TSPAN11: variants seen among roughly 807,000 people sequenced by gnomAD.
The protein encoded by TSPAN11 is tetraspanin-11.
A neutral mutation model predicts 32.9 loss-of-function variants in TSPAN11; 29 were observed. The observed-to-expected ratio is 0.88, with a 90% confidence interval of 0.66 to 1.20. The LOEUF (loss-of-function observed/expected upper bound fraction) is 1.20. Among genes scored for constraint, TSPAN11 ranks in the 50% most tolerant of loss-of-function variants. The pLI is 0.00. For missense variants in TSPAN11, 283 were observed against 329.1 expected (o/e 0.86, Z 1.08); for synonymous variants, 140 against 141.3 (o/e 0.99, Z 0.07).
At position 30,928,698 on chromosome 12, in the gene TSPAN11, T is replaced by G. The variant is rs573714462; in HGVS notation, c.-12+1902T>G. ...GTCACATCACCTCTCTGGGTCTGCT[T>G]CTTCTTTGGTCCAAATCAGGGCATC... On this transcript the variant is annotated intron_variant, in intron 1 of 7. Transcript: ENST00000546076. 2.0e-5 allele frequency among the ~76,000 whole-genome samples: 3 copies of G among 152,316 alleles called. No individual in the cohort carries two copies. The South Asian group carries it at 6.2e-4, about 32-fold the overall frequency.
intron 4 of TSPAN11, 138 bp from the exon 5 acceptor site, chr12:30,979,428 G>A: frequency 1.3e-6 from 1 of 769,256 alleles, no homozygotes; most frequent in East Asian, 2.6e-5. Context: ...CCCTTACGCT[G>A]TTGAGAAACC....
intron 1 of TSPAN11, among the ~76,000 whole-genome samples, chr12:30,945,603 C>A (rs1938250465): frequency 6.6e-6 from 1 of 151,948 alleles, no homozygotes; most frequent in Non-Finnish European, 1.5e-5. Flanking sequence ...ACTAGGACTC[C>A]CAGCACATCT....
At position 30,993,499 on chromosome 12, in the gene TSPAN11, C is replaced by T. The variant is rs1276363925; in HGVS notation, c.*1584C>T. The T allele has an allele frequency of 1.3e-5, 2 of 152,324 alleles. No individual in the cohort carries two copies. Among genetic ancestry groups the T allele is most frequent in the African/African-American group, 4.8e-5 (2 of 41,462 alleles). 9.4% of individuals were successfully genotyped at this position (152,324 alleles called of 1,614,324 possible). A position where few individuals can be genotyped will look rare whatever the true frequency, so the allele number is the denominator to read the frequency against. On this transcript the variant is annotated 3_prime_UTR_variant, in exon 8 of 8. Transcript: ENST00000546076. Reference sequence around the variant, plus strand: ...AGCCCAGCCTCGGGGCCGGTTGCCTCCTCTTCTCTGGGTGTTCTCCAGTGG... The same window carrying T: ...AGCCCAGCCTCGGGGCCGGTTGCCTTCTCTTCTCTGGGTGTTCTCCAGTGG...
intron 7 of TSPAN11, chr12:30,986,669 A>C (rs1419532373): frequency 6.6e-6 from 1 of 152,226 alleles, no homozygotes; most frequent in Non-Finnish European, 1.5e-5. Context: ...CAACACCTGG[A>C]GTGTTAAAGC....
intron 3 of TSPAN11, among the ~76,000 whole-genome samples, chr12:30,964,807 CTGT>C (rs1266136710): frequency 1.3e-5 from 2 of 152,240 alleles, no homozygotes; most frequent in African/African-American, 4.8e-5. Context: ...GACCCATAAA[CTGT>C]TGTTGTTGTG....
chr12:30,949,595 C>T (rs1938340655), intron 1 of TSPAN11, among the ~76,000 whole-genome samples: 1 of 152,148 alleles, frequency 6.6e-6, no homozygotes. Flanking sequence ...CAATTACCTC[C>T]CCCTGGGTCC....
rs762769359 is a variant in TSPAN11, at chr12:30,978,622, T to C, written c.338T>C (p.Val113Ala). The C allele has an allele frequency of 1.2e-6, 2 of 1,614,208 alleles. No individual in the cohort carries two copies. The highest frequency in any genetic ancestry group is 1.7e-6 in the Non-Finnish European group (2 of 1,180,030). Residue 113 changes from valine to alanine, a missense_variant, in exon 4 of 8, where the codon GTG (valine) becomes GCG (alanine). Transcript: ENST00000546076. The part of the protein sequence containing the change: ...VELVAGVLAH[V>A]YYQRLSDELK... ...CTGGTGGCGGGAGTCCTGGCCCATG[T>C]GTATTACCAGAGGGTAAGTGACGTT... is the stretch of plus-strand genomic sequence containing the variant.
intron 2 of TSPAN11, among the ~76,000 whole-genome samples, chr12:30,960,993 C>T (rs950239960): frequency 8.8e-5 from 13 of 148,546 alleles, no homozygotes; most frequent in Non-Finnish European, 1.8e-4. Context: ...GAGCCAAGAT[C>T]GCACCACTGT....
intron 2 of TSPAN11, among the ~76,000 whole-genome samples, chr12:30,961,077 C>T (rs1399539002): frequency 4.0e-5 from 6 of 151,406 alleles, no homozygotes; most frequent in South Asian, 2.1e-4. Flanking sequence ...TGGAAAACCA[C>T]GCTAGATTCT....
rs1938831244 is a variant in TSPAN11 at position 30,970,724 on chromosome 12, G to A, written c.276+6707G>A. 2.6e-5 allele frequency among the ~76,000 whole-genome samples: 4 copies of A among 152,132 alleles called. No homozygotes were observed. In the South Asian group the frequency reaches 6.2e-4, roughly 24 times the overall value. On this transcript the variant is annotated intron_variant, in intron 3 of 7. Transcript: ENST00000546076. ...CCAACCTTTGGCGTGGTTGCAGCTG[G>A]ACAACCCAGGCGCTGAGCCCTGGGC...
Position 30,962,972 on chromosome 12 carries a change from A to G in TSPAN11, c.85-854A>G, listed in dbSNP as rs561107552. 7.2e-5 allele frequency among the ~76,000 whole-genome samples: 11 copies of G among 152,244 alleles called. No individual in the cohort carries two copies. The East Asian group carries it at 1.7e-3, about 24-fold the overall frequency. ...GTCACAGAAAGAGTTACTTGGCTTCATTGCAAATAGAACCAGCCAAGCCGA... is the reference window on the plus strand; with the variant it reads ...GTCACAGAAAGAGTTACTTGGCTTCGTTGCAAATAGAACCAGCCAAGCCGA... On this transcript the variant is annotated intron_variant, in intron 2 of 7. Transcript: ENST00000546076.
chr12:30,929,720 G>A (rs922412618), intron 1 of TSPAN11, among the ~76,000 whole-genome samples: 3 of 152,206 alleles, frequency 2.0e-5, no homozygotes, highest in African/African-American at 7.2e-5. Flanking sequence ...GTAGACGACA[G>A]CCACGTGATG....
At position 30,975,759 on chromosome 12, in the gene TSPAN11, A is replaced by C. The variant is rs569547238; in HGVS notation, c.277-2802A>C. On this transcript the variant is annotated intron_variant, in intron 3 of 7. Coordinates refer to ENST00000546076, the MANE Select transcript of TSPAN11 (RefSeq NM_001370302.1). The surrounding 1 kb of genome is among the most constrained non-coding windows in gnomAD (Gnocchi z 4.5). ...CCTACGGGCCTGACTCACAGCTCAC[A>C]GTGGTGGTGGAGAGAAGGAAGGTGG... Among the ~76,000 whole-genome samples the C allele has an allele frequency of 2.0e-5, 3 of 151,514 alleles. No homozygotes were observed. The South Asian group carries it at 6.3e-4, about 32-fold the overall frequency.
chr12:30,949,510 A>C (rs1316713699), intron 1 of TSPAN11, among the ~76,000 whole-genome samples: 1 of 152,216 alleles, frequency 6.6e-6, no homozygotes. Flanking sequence ...TAAACCCATC[A>C]GATCTCGTGA....
chr12:30,958,955 T>C (rs1250346743), intron 2 of TSPAN11, among the ~76,000 whole-genome samples: 1 of 152,204 alleles, frequency 6.6e-6, no homozygotes, highest in Non-Finnish European at 1.5e-5. Flanking sequence ...CTCTTCTTAA[T>C]GACCCAGAGA....
At chr12:30,963,752 C>T in intron 2 of TSPAN11, 74 bp from the exon 3 acceptor site, 1 of 1,509,030 alleles carries the variant, frequency 6.6e-7, no homozygotes, top group South Asian at 1.2e-5. Flanking sequence ...TGCCTGGCAC[C>T]CTGTGGGCAC....
chr12:31,002,106 C>T, the TSPAN11 span, among the ~76,000 whole-genome samples: 4 of 152,146 alleles, frequency 2.6e-5, no homozygotes, highest in Admixed American at 6.5e-5. This position sits in a 1 kb window ranked among gnomAD's most constrained non-coding sequence, Gnocchi z 4.8. Flanking sequence ...GAGTCTGTCT[C>T]GGTAAATCTC....
chr12:30,958,386 G>T (rs1174461347), intron 2 of TSPAN11, among the ~76,000 whole-genome samples: 2 of 152,150 alleles, frequency 1.3e-5, no homozygotes, highest in Non-Finnish European at 2.9e-5. Flanking sequence ...GGGGAGAAAT[G>T]CATGCCTGGC....
At chr12:30,991,176 C>T (rs539316806) in intron 7 of TSPAN11, among the ~76,000 whole-genome samples, 7 of 152,298 alleles carry the variant, frequency 4.6e-5, no homozygotes, top group Middle Eastern at 3.4e-3. Flanking sequence ...GCAGACAGGA[C>T]GCCTGGGGCC....
Sources: allele counts gnomAD v4.1 joint callset (sites outside exome capture counted in the v4.1 genomes callset), GRCh38; gene constraint gnomAD v4.1.1; non-coding constraint Gnocchi (gnomAD v3.1); transcripts MANE v1.5; gene names NCBI Gene and HGNC (gene_info 2026-07-23, HGNC 2026-07-21).